Variants in SMARCA2 observed in about 807,000 individuals in gnomAD.
SMARCA2 encodes SWI/SNF related BAF chromatin remodeling complex subunit ATPase 2.
SMARCA2 carries 61 observed loss-of-function variants against 199.8 expected under a neutral mutation model. The ratio of observed to expected loss-of-function variants is 0.31; its 90% CI spans 0.25 to 0.38. The LOEUF is 0.38. Among genes scored for constraint, SMARCA2 ranks in the 10% least tolerant of loss-of-function variants. The pLI is 1.00. For synonymous variants in SMARCA2, 935 were observed against 732.0 expected (o/e 1.28, Z -4.48); for missense variants, 1,344 against 2,012.2 (o/e 0.67, Z 6.35).
intron 10 of SMARCA2, among the ~76,000 whole-genome samples, chr9:2,070,949 C>T (rs1821061591): frequency 6.6e-6 from 1 of 152,108 alleles, no homozygotes; most frequent in African/African-American, 2.4e-5. Context: ...TGTGTATGTT[C>T]ATCAGCCTAG....
intron 12 of SMARCA2, 82 bp downstream of exon 12, chr9:2,073,705 T>C: frequency 9.8e-7 from 1 of 1,022,234 alleles, no homozygotes; most frequent in Non-Finnish European, 1.5e-6. Flanking sequence ...AGCCCGGGCC[T>C]TGGGTCCTTC....
In SMARCA2 at chr9:2,096,641, G is replaced by C. The variant is rs769461770; in HGVS notation, c.2884-16G>C. On this transcript the variant is annotated splice_polypyrimidine_tract_variant and intron_variant, in intron 19 of 33. Coordinates refer to ENST00000349721, the MANE Select transcript of SMARCA2 (RefSeq NM_003070.5). ...TCCTTCCTGCTCTTGCCTACTTACT[G>C]TTCTCTTTTCTGCAGGTGGAATATG... The C allele has an allele frequency of 2.5e-6, 4 of 1,575,102 alleles. No individual in the cohort carries two copies. Among genetic ancestry groups the C allele is most frequent in the Non-Finnish European group, 3.5e-6 (4 of 1,144,580 alleles).
At chr9:2,089,407 AG>A (rs1319772764) in intron 19 of SMARCA2, among the ~76,000 whole-genome samples, 1 of 152,110 alleles carries the variant, frequency 6.6e-6, no homozygotes, top group Non-Finnish European at 1.5e-5. Context: ...TTTTTTCTTT[AG>A]AAGAGCCAAT....
intron 27 of SMARCA2, among the ~76,000 whole-genome samples, chr9:2,126,564 T>C (rs537616377): frequency 6.6e-6 from 1 of 152,384 alleles, no homozygotes; most frequent in Admixed American, 6.5e-5. Flanking sequence ...TACTGGCTTA[T>C]GATTTAACAC....
chr9:2,016,058 C>T lies in SMARCA2; in HGVS notation c.-37+654C>T, dbSNP rs1818341232. ...GCTTCCCAGGGACTTGTTCAAAGGGCTCCGGCTGCGGAGACGTGAGCGGAT... is the reference window on the plus strand; with the variant it reads ...GCTTCCCAGGGACTTGTTCAAAGGGTTCCGGCTGCGGAGACGTGAGCGGAT... On this transcript the variant is annotated intron_variant, in intron 1 of 33. Coordinates refer to ENST00000349721, the MANE Select transcript of SMARCA2 (RefSeq NM_003070.5). The surrounding 1 kb of genome is among the most constrained non-coding windows in gnomAD (Gnocchi z 5.6). 6.6e-6 allele frequency: 1 copy of T among 152,318 alleles called. No individual in the cohort carries two copies. Among genetic ancestry groups the T allele is most frequent in the Non-Finnish European group, 1.5e-5 (1 of 68,132 alleles). The allele number at this position is 152,318 out of a possible 1,614,324, so 9.4% of individuals were successfully genotyped here.
At chr9:2,151,149 CTAAT>C (rs1167601659) in intron 27 of SMARCA2, among the ~76,000 whole-genome samples, 1 of 151,454 alleles carries the variant, frequency 6.6e-6, no homozygotes, top group African/African-American at 2.4e-5. Context: ...TGATCAATAA[CTAAT>C]CATATCACTT....
chr9:2,090,660 G>T (rs1822014314), intron 19 of SMARCA2, among the ~76,000 whole-genome samples: 1 of 152,134 alleles, frequency 6.6e-6, no homozygotes, highest in African/African-American at 2.4e-5. Flanking sequence ...CACTCATGTT[G>T]CTGTCTCTGT....
chr9:2,147,016 G>GC (rs2130705896), intron 27 of SMARCA2, among the ~76,000 whole-genome samples: 1 of 152,220 alleles, frequency 6.6e-6, no homozygotes, highest in South Asian at 2.1e-4. Context: ...ATTTTACATA[G>GC]CCCCTATTCA....
At chr9:2,152,141 C>A (rs2376303) in intron 27 of SMARCA2, among the ~76,000 whole-genome samples, 121,610 of 152,182 alleles carry the variant, frequency 0.8, 48,691 homozygotes, top group Middle Eastern at 0.85. Context: ...TAGTGTAAAT[C>A]AGGATGCTTC....
At chr9:2,029,326 C>G (rs1323177993) in intron 2 of SMARCA2, 79 bp downstream of exon 2, 2 of 1,533,716 alleles carry the variant, frequency 1.3e-6, no homozygotes, top group East Asian at 4.9e-5. Flanking sequence ...ATCCCCCTTT[C>G]TACTGTTGTT....
chr9:2,168,033 CT>C (rs367986975), intron 28 of SMARCA2, among the ~76,000 whole-genome samples: 3,629 of 138,742 alleles, frequency 0.026, 117 homozygotes, highest in African/African-American at 0.081. Flanking sequence ...TTTTCTTTTT[CT>C]TTTTTTTTTT....
intron 22 of SMARCA2, 69 bp from the exon 23 acceptor site, chr9:2,103,934 G>C: frequency 7.2e-7 from 1 of 1,393,712 alleles, no homozygotes. Flanking sequence ...GAAAAGCAAA[G>C]CAATGCTGGA....
chr9:2,015,661 A>G (rs1396886558), intron 1 of SMARCA2, among the ~76,000 whole-genome samples: 5 of 152,316 alleles, frequency 3.3e-5, no homozygotes, highest in African/African-American at 7.2e-5. Flanking sequence ...GCGGTGGAAG[A>G]AACGAGAAAG....
Position 2,056,592 on chromosome 9 carries a change from A to T in SMARCA2, c.1174-80A>T. The T allele has an allele frequency of 7.6e-7, 1 of 1,319,750 alleles. No homozygotes were observed. The highest frequency in any genetic ancestry group is 1.0e-6 in the Non-Finnish European group (1 of 966,536). The allele number at this position is 1,319,750 out of a possible 1,614,324, so 81.8% of individuals were successfully genotyped here. A position where few individuals can be genotyped will look rare whatever the true frequency, so the allele number is the denominator to read the frequency against. The stretch of plus-strand genomic sequence containing the variant: ...ATTCCCCGCCCCACTCTATTCCATT[A>T]AATGCAACCGCGAGAAGGCCAGAGT... On this transcript the variant is annotated intron_variant, in intron 6 of 33. Coordinates refer to ENST00000349721, the MANE Select transcript of SMARCA2 (RefSeq NM_003070.5). This position sits in a 1 kb window ranked among gnomAD's most constrained non-coding sequence, Gnocchi z 4.0.
At chr9:2,102,602 G>GA (rs1010172845) in intron 22 of SMARCA2, among the ~76,000 whole-genome samples, 16 of 152,046 alleles carry the variant, frequency 1.1e-4, no homozygotes, top group African/African-American at 3.9e-4. Context: ...GTTGATAAAA[G>GA]AAAAAAATGG....
intron 31 of SMARCA2, among the ~76,000 whole-genome samples, chr9:2,184,020 T>G (rs1827246114): frequency 6.6e-6 from 1 of 152,174 alleles, no homozygotes; most frequent in South Asian, 2.1e-4. Flanking sequence ...TGGACACTAA[T>G]TTGTCTTTCT....
intron 27 of SMARCA2, among the ~76,000 whole-genome samples, chr9:2,157,236 T>C (rs2130739485): frequency 6.6e-6 from 1 of 152,360 alleles, no homozygotes; most frequent in South Asian, 2.1e-4. Context: ...TTTTCTTGTT[T>C]GGGGGATCAT....
chr9:2,154,576 TG>T (rs1825243786), intron 27 of SMARCA2, among the ~76,000 whole-genome samples: 1 of 152,176 alleles, frequency 6.6e-6, no homozygotes, highest in Non-Finnish European at 1.5e-5. Context: ...TCTGACTTGT[TG>T]CAGTAGCGTG....
Position 2,039,400 on chromosome 9 carries a change from T to G in SMARCA2, c.356-66T>G. On this transcript the variant is annotated intron_variant, in intron 3 of 33. Coordinates refer to ENST00000349721, the MANE Select transcript of SMARCA2 (RefSeq NM_003070.5). The surrounding 1 kb of genome is among the most constrained non-coding windows in gnomAD (Gnocchi z 4.8). Reference sequence around the variant, plus strand: ...TTGCTGTGGACAATTATTAGAGTATTCAGGGATATCTCTCTTTCAGGGTTG... The same window carrying G: ...TTGCTGTGGACAATTATTAGAGTATGCAGGGATATCTCTCTTTCAGGGTTG... The G allele has an allele frequency of 6.8e-7, 1 of 1,475,916 alleles. No individual in the cohort carries two copies. The highest frequency in any genetic ancestry group is 1.3e-5 in the South Asian group (1 of 79,196). 91.4% of individuals were successfully genotyped at this position (1,475,916 alleles called of 1,614,324 possible).
Sources: allele counts gnomAD v4.1 joint callset (sites outside exome capture counted in the v4.1 genomes callset), GRCh38; gene constraint gnomAD v4.1.1; non-coding constraint Gnocchi (gnomAD v3.1); transcripts MANE v1.5; gene names NCBI Gene and HGNC (gene_info 2026-07-23, HGNC 2026-07-21).